The following CACNA2D3 variants were observed in gnomAD, a reference collection of about 807,000 sequenced individuals.
CACNA2D3 encodes calcium voltage-gated channel auxiliary subunit alpha2delta 3.
Under a neutral mutation model 160.6 loss-of-function variants are expected in CACNA2D3, and 60 were observed. That is an observed-to-expected ratio of 0.37 (90% CI 0.30 to 0.46). CACNA2D3 has a LOEUF of 0.46. Ranked by LOEUF, CACNA2D3 falls within the 20% of genes least tolerant of loss-of-function variation. CACNA2D3 has a pLI of 1.00. For synonymous variants in CACNA2D3, 558 were observed against 492.9 expected, an observed-to-expected ratio of 1.13 and a Z score of -1.75; for missense variants, 1,205 against 1,365.0, an observed-to-expected ratio of 0.88 and a Z score of 1.85.
At chr3:54,501,785 G>T (rs1701298614) in intron 4 of CACNA2D3, among the ~76,000 whole-genome samples, 1 of 152,128 alleles carries the variant, frequency 6.6e-6, no homozygotes, top group Admixed American at 6.5e-5. Flanking sequence ...TCTCTCTTAA[G>T]AACTTTTAAC....
intron 11 of CACNA2D3, among the ~76,000 whole-genome samples, chr3:54,649,491 G>A (rs532722927): frequency 6.6e-6 from 1 of 152,304 alleles, no homozygotes; most frequent in South Asian, 2.1e-4. Flanking sequence ...ATCAATGACT[G>A]GGTGGCTTAT....
In CACNA2D3 at chr3:54,918,420, C is replaced by G. The variant is rs758628267; in HGVS notation, c.2449+18552C>G. ...ATCAGCCCTACTCAGACACTATCTT[C>G]TGGCCTGCAATGACCAATCCTATTT... On this transcript the variant is annotated intron_variant, in intron 27 of 37. Coordinates refer to ENST00000474759, the MANE Select transcript of CACNA2D3 (RefSeq NM_018398.3). The G allele has an allele frequency of 1.1e-5, 16 of 1,469,196 alleles. No individual in the cohort carries two copies. In the Admixed American group the frequency reaches 3.0e-4, roughly 27 times the overall value. The allele number at this position is 1,469,196 out of a possible 1,614,324, so 91.0% of individuals were successfully genotyped here.
chr3:54,844,954 C>T (rs143679081), intron 16 of CACNA2D3, among the ~76,000 whole-genome samples: 1,770 of 151,838 alleles, frequency 0.012, 37 homozygotes, highest in African/African-American at 0.04. Flanking sequence ...TTTTTTGACC[C>T]CTCCAGTCCA....
At chr3:54,802,338 T>TA (rs1327193153) in intron 13 of CACNA2D3, among the ~76,000 whole-genome samples, 1 of 152,126 alleles carries the variant, frequency 6.6e-6, no homozygotes, top group Non-Finnish European at 1.5e-5. Context: ...TTCAGAGAGA[T>TA]ACCTTTTGTG....
At chr3:54,339,392 C>G (rs78970585) in intron 3 of CACNA2D3, among the ~76,000 whole-genome samples, 1,769 of 152,312 alleles carry the variant, frequency 0.012, 21 homozygotes, top group East Asian at 0.086. Flanking sequence ...CCAAATACCC[C>G]CTTCACCCCT....
intron 4 of CACNA2D3, among the ~76,000 whole-genome samples, chr3:54,442,620 G>C (rs990079610): frequency 6.6e-6 from 1 of 152,180 alleles, no homozygotes; most frequent in African/African-American, 2.4e-5. Flanking sequence ...CGCCGTCAAT[G>C]GGCTGATATT....
chr3:54,911,894 A>G (rs962509488), intron 27 of CACNA2D3, among the ~76,000 whole-genome samples: 38 of 152,222 alleles, frequency 2.5e-4, no homozygotes, highest in African/African-American at 8.9e-4. Flanking sequence ...CCTTAAAGCT[A>G]CAGACATTGT....
intron 9 of CACNA2D3, among the ~76,000 whole-genome samples, chr3:54,619,045 C>G (rs952648104): frequency 6.6e-6 from 1 of 152,208 alleles, no homozygotes; most frequent in Non-Finnish European, 1.5e-5. Flanking sequence ...TTCAGAAAGA[C>G]GTGAAGGGTG....
chr3:54,275,698 A>G (rs1702724714), intron 2 of CACNA2D3, among the ~76,000 whole-genome samples: 1 of 152,016 alleles, frequency 6.6e-6, no homozygotes, highest in African/African-American at 2.4e-5. Context: ...GCTCACTGCA[A>G]CCTCCGCCTT....
chr3:54,878,851 G>A (rs1699725321), intron 18 of CACNA2D3, 167 bp from the exon 19 acceptor site: 1 of 470,974 alleles, frequency 2.1e-6, no homozygotes, highest in East Asian at 3.5e-5. Flanking sequence ...ATTGTTGTTA[G>A]CCTGTCTCCC....
intron 11 of CACNA2D3, among the ~76,000 whole-genome samples, chr3:54,682,161 G>GCACACACACACACA (rs138753206): frequency 2.8e-4 from 40 of 144,784 alleles, no homozygotes; most frequent in African/African-American, 9.5e-4. Context: ...AAACAGAACA[G>GCACACACACACACA]CACACACACA....
intron 9 of CACNA2D3, among the ~76,000 whole-genome samples, chr3:54,596,366 C>T (rs577353904): frequency 6.6e-6 from 1 of 152,326 alleles, no homozygotes; most frequent in South Asian, 2.1e-4. Flanking sequence ...TGTGGAAGCA[C>T]AGCTGCTTAG....
chr3:54,898,382 C>G (rs1700249231), intron 26 of CACNA2D3, among the ~76,000 whole-genome samples: 1 of 151,916 alleles, frequency 6.6e-6, no homozygotes, highest in African/African-American at 2.4e-5. Context: ...GCCACCATAC[C>G]CAGCTAATTT....
At chr3:54,763,322 C>T (rs890645751) in intron 12 of CACNA2D3, among the ~76,000 whole-genome samples, 7 of 151,976 alleles carry the variant, frequency 4.6e-5, no homozygotes, top group Admixed American at 1.3e-4. Flanking sequence ...CCATCTGCAT[C>T]GGTCATCTTA....
At chr3:54,248,510 GA>G (rs928548347) in intron 2 of CACNA2D3, among the ~76,000 whole-genome samples, 4 of 146,498 alleles carry the variant, frequency 2.7e-5, no homozygotes, top group African/African-American at 7.5e-5. Flanking sequence ...AAAAGAAAAA[GA>G]AAAAAAAAGG....
chr3:54,338,479 G>C (rs1704442991), intron 3 of CACNA2D3, among the ~76,000 whole-genome samples: 1 of 146,752 alleles, frequency 6.8e-6, no homozygotes, highest in Non-Finnish European at 1.5e-5. Context: ...GTGTGTGTGT[G>C]TGTGTGTGTG....
intron 5 of CACNA2D3, among the ~76,000 whole-genome samples, chr3:54,554,868 CTCTT>C (rs761576754): frequency 1.1e-5 from 1 of 88,172 alleles, no homozygotes. Context: ...CTCTCTCACT[CTCTT>C]TTTTTTTTTT....
intron 27 of CACNA2D3, chr3:54,918,741 A>C: frequency 6.2e-7 from 1 of 1,614,110 alleles, no homozygotes; most frequent in Non-Finnish European, 8.5e-7. Flanking sequence ...TCAGGACCAC[A>C]CCGTGGGCAG....
chr3:54,671,478 G>A (rs1700160065), intron 11 of CACNA2D3, among the ~76,000 whole-genome samples: 1 of 152,124 alleles, frequency 6.6e-6, no homozygotes, highest in South Asian at 2.1e-4. Flanking sequence ...TGTTGGGAAG[G>A]CAGAGGAGAA....
Sources: gnomAD v4.1 joint callset for allele counts (sites outside exome capture counted in the v4.1 genomes callset) on GRCh38, gnomAD v4.1.1 for gene constraint, MANE v1.5 for transcripts, NCBI Gene and HGNC (gene_info 2026-07-23, HGNC 2026-07-21) for gene names.